PIK3C2G: variants seen among roughly 807,000 people sequenced by gnomAD.
The protein encoded by PIK3C2G is phosphatidylinositol-4-phosphate 3-kinase catalytic subunit type 2 gamma.
PIK3C2G carries 168 observed loss-of-function variants against 181.1 expected under a neutral mutation model. The ratio of observed to expected loss-of-function variants is 0.93; its 90% CI spans 0.82 to 1.05. PIK3C2G has a LOEUF of 1.05. Ranked by LOEUF, PIK3C2G falls within the 50% of genes least tolerant of loss-of-function variation. PIK3C2G has a pLI of 0.00. For synonymous variants in PIK3C2G, 573 were observed against 592.2 expected (o/e 0.97, Z 0.47); for missense variants, 1,869 against 1,732.8 (o/e 1.08, Z -1.40).
rs1941122820 is a variant in PIK3C2G, at chr12:18,497,618, G to A, written c.2887-1G>A. 7 of 1,611,476 alleles carry A rather than the reference G, an allele frequency of 4.3e-6. No homozygotes were observed. Among genetic ancestry groups the A allele is most frequent in the Admixed American group, 1.7e-5 (1 of 59,704 alleles). The stretch of plus-strand genomic sequence containing the variant: ...AGGGTCTATAATTTTGTTTTTAACA[G>A]GCTGGAGATGATCTTCGTCAGGATA... On this transcript the variant is annotated splice_acceptor_variant, in intron 21 of 32. Coordinates refer to ENST00000538779, the MANE Select transcript of PIK3C2G (RefSeq NM_001288772.2). LOFTEE classifies it high-confidence loss of function.
the PIK3C2G span, among the ~76,000 whole-genome samples, chr12:18,690,557 A>T: frequency 6.6e-6 from 1 of 152,290 alleles, no homozygotes; most frequent in East Asian, 1.9e-4. Flanking sequence ...TCCTCAGACA[A>T]ATGGAGAAGA....
At chr12:18,620,756 C>A (rs1948824919) in intron 31 of PIK3C2G, among the ~76,000 whole-genome samples, 1 of 152,072 alleles carries the variant, frequency 6.6e-6, no homozygotes, top group African/African-American at 2.4e-5. Flanking sequence ...TATCTTCAAT[C>A]TATCCTTTTT....
intron 23 of PIK3C2G, among the ~76,000 whole-genome samples, chr12:18,504,911 T>A (rs1565457744): frequency 1.3e-5 from 2 of 152,190 alleles, no homozygotes; most frequent in African/African-American, 4.8e-5. Context: ...CCTCTGGGAA[T>A]AGGCAATATT....
intron 24 of PIK3C2G, among the ~76,000 whole-genome samples, chr12:18,515,460 G>T (rs986987860): frequency 1.3e-5 from 2 of 151,820 alleles, no homozygotes; most frequent in African/African-American, 4.8e-5. Flanking sequence ...TATATTATAT[G>T]TATCCAGTAA....
chr12:18,725,178 G>C, the PIK3C2G span, among the ~76,000 whole-genome samples: 1 of 152,100 alleles, frequency 6.6e-6, no homozygotes, highest in African/African-American at 2.4e-5. Flanking sequence ...TATCACTGAA[G>C]AGGGGAAGAT....
At chr12:18,397,847 C>T (rs1447866079) in intron 15 of PIK3C2G, among the ~76,000 whole-genome samples, 1 of 151,676 alleles carries the variant, frequency 6.6e-6, no homozygotes, top group Non-Finnish European at 1.5e-5. Context: ...TTCATAATAC[C>T]CCCCCAAAAG....
chr12:18,506,024 T>G (rs753968302), intron 24 of PIK3C2G, among the ~76,000 whole-genome samples: 11 of 152,084 alleles, frequency 7.2e-5, no homozygotes, highest in African/African-American at 2.7e-4. Context: ...AAATGAGAAG[T>G]TATTTTAGAA....
the PIK3C2G span, chr12:18,693,314 C>T: frequency 6.5e-7 from 1 of 1,539,886 alleles, no homozygotes; most frequent in African/African-American, 1.4e-5. Context: ...TGGAAAAGGC[C>T]CCCCAAGAGA....
chr12:18,633,327 T>C (rs752026762), intron 31 of PIK3C2G, among the ~76,000 whole-genome samples: 15 of 152,360 alleles, frequency 9.8e-5, no homozygotes, highest in East Asian at 7.7e-4. Flanking sequence ...ATATTTGCTA[T>C]ACGTACTAAG....
In PIK3C2G at chr12:18,648,336, TTG is replaced by T. The variant is rs1280706575; in HGVS notation, c.*313_*314del. On this transcript the variant is annotated 3_prime_UTR_variant, in exon 33 of 33. Transcript: ENST00000538779. ...AAACATAGGTTTACATTTGTTTTAA[TTG>T]TGTGCCTACAGTTAAAAGCAGTATT... is the stretch of plus-strand genomic sequence containing the variant. The T allele has an allele frequency of 8.7e-6, 2 of 231,068 alleles. No homozygotes were observed. Among genetic ancestry groups the T allele is most frequent in the African/African-American group, 4.4e-5 (2 of 45,190 alleles). 14.3% of individuals were successfully genotyped at this position (231,068 alleles called of 1,614,324 possible). A position where few individuals can be genotyped will look rare whatever the true frequency, so the allele number is the denominator to read the frequency against.
intron 14 of PIK3C2G, among the ~76,000 whole-genome samples, chr12:18,384,830 C>T (rs970697437): frequency 2.0e-5 from 3 of 152,072 alleles, no homozygotes; most frequent in African/African-American, 7.2e-5. Flanking sequence ...TTAAACCATC[C>T]CATTTTTACA....
At chr12:18,434,198 G>T (rs1177950673) in intron 18 of PIK3C2G, among the ~76,000 whole-genome samples, 4 of 152,146 alleles carry the variant, frequency 2.6e-5, no homozygotes, top group Non-Finnish European at 5.9e-5. Flanking sequence ...GAATAGTGAA[G>T]AAAAGCAAAC....
At chr12:18,325,579 G>T (rs1281850464) in intron 8 of PIK3C2G, among the ~76,000 whole-genome samples, 2 of 151,854 alleles carry the variant, frequency 1.3e-5, no homozygotes, top group Admixed American at 6.6e-5. Context: ...GTGGTAGTGG[G>T]TGCCTGTAAT....
At chr12:18,582,780 C>A (rs187353465) in intron 29 of PIK3C2G, among the ~76,000 whole-genome samples, 3 of 151,554 alleles carry the variant, frequency 2.0e-5, no homozygotes, top group Admixed American at 1.3e-4. Context: ...TTCAGTGCAG[C>A]CACCCTAAGA....
intron 18 of PIK3C2G, among the ~76,000 whole-genome samples, chr12:18,436,202 T>G (rs1470455081): frequency 6.6e-6 from 1 of 152,030 alleles, no homozygotes; most frequent in Non-Finnish European, 1.5e-5. Flanking sequence ...ACACAATGGG[T>G]CTCACATCCA....
chr12:18,708,702 C>T, the PIK3C2G span, among the ~76,000 whole-genome samples: 1 of 152,106 alleles, frequency 6.6e-6, no homozygotes, highest in African/African-American at 2.4e-5. Context: ...GACCTTCTAA[C>T]ATGGTAAGAC....
At chr12:18,483,685 C>A (rs144771014) in intron 18 of PIK3C2G, among the ~76,000 whole-genome samples, 371 of 151,684 alleles carry the variant, frequency 2.4e-3, no homozygotes, top group Admixed American at 7.2e-3. Context: ...GGATACCCCC[C>A]GAGAATGTTT....
At chr12:18,723,343 T>G in the PIK3C2G span, 1 of 1,612,550 alleles carries the variant, frequency 6.2e-7, no homozygotes, top group Non-Finnish European at 8.5e-7. Flanking sequence ...CTGAATGATC[T>G]CAAAAGCAAT....
At chr12:18,645,048 A>G (rs1305929414) in intron 32 of PIK3C2G, among the ~76,000 whole-genome samples, 1 of 152,172 alleles carries the variant, frequency 6.6e-6, no homozygotes, top group Admixed American at 6.6e-5. Flanking sequence ...CCAAACCCAC[A>G]CATTTAGTTA....
Sources: gnomAD v4.1 joint callset for allele counts (sites outside exome capture counted in the v4.1 genomes callset) on GRCh38, gnomAD v4.1.1 for gene constraint, MANE v1.5 for transcripts, NCBI Gene and HGNC (gene_info 2026-07-23, HGNC 2026-07-21) for gene names.